The following ICA1 variants were observed in gnomAD, a reference collection of about 807,000 sequenced individuals.
The protein encoded by ICA1 is 69 kDa islet cell autoantigen.
ICA1 carries 40 observed loss-of-function variants against 71.0 expected under a neutral mutation model. The ratio of observed to expected loss-of-function variants is 0.56; its 90% CI spans 0.44 to 0.73. The LOEUF is 0.73. ICA1 is among the 30% of genes least tolerant of loss of function. The pLI is 0.00. For synonymous variants in ICA1, 207 were observed against 209.5 expected, an observed-to-expected ratio of 0.99 and a Z score of 0.10; for missense variants, 578 against 576.5, an observed-to-expected ratio of 1.00 and a Z score of -0.03.
chr7:8,241,332 G>C (rs1267128741), intron 1 of ICA1, among the ~76,000 whole-genome samples: 3 of 152,184 alleles, frequency 2.0e-5, no homozygotes, highest in African/African-American at 7.2e-5. Context: ...ATAAGTGAAG[G>C]AGAAATAAAA....
intron 6 of ICA1, among the ~76,000 whole-genome samples, chr7:8,163,389 A>T (rs1193487897): frequency 6.6e-6 from 1 of 152,044 alleles, no homozygotes; most frequent in African/African-American, 2.4e-5. Flanking sequence ...CAATGATTCT[A>T]CTCTCATTTT....
At position 8,128,966 on chromosome 7, in the gene ICA1, C is replaced by T. The variant is rs143078622; in HGVS notation, c.1061-824G>A. Reference sequence around the variant, plus strand: ...GTTATCATGTTAATAACGGCCACCTCGGTGTTGTCAGGAAGACCAAAAGAA... The same window carrying T: ...GTTATCATGTTAATAACGGCCACCTTGGTGTTGTCAGGAAGACCAAAAGAA... On this transcript the variant is annotated intron_variant, in intron 12 of 13. Transcript: ENST00000402384. Among the ~76,000 whole-genome samples, 262 of 152,286 alleles carry T rather than the reference C, an allele frequency of 1.7e-3. 1 individual carries two copies. Among genetic ancestry groups the T allele is most frequent in the African/African-American group, 5.9e-3 (246 of 41,548 alleles).
chr7:8,189,466 G>C (rs958381606), intron 6 of ICA1, among the ~76,000 whole-genome samples: 24 of 152,346 alleles, frequency 1.6e-4, no homozygotes, highest in African/African-American at 5.3e-4. Flanking sequence ...TCTGCTAGGG[G>C]CATGAAGACA....
At chr7:8,149,656 T>C (rs1798141561) in intron 8 of ICA1, among the ~76,000 whole-genome samples, 1 of 152,248 alleles carries the variant, frequency 6.6e-6, no homozygotes, top group African/African-American at 2.4e-5. Context: ...AACCTAAATT[T>C]AATGTTTAAC....
At chr7:8,182,041 C>A (rs1257995061) in intron 6 of ICA1, among the ~76,000 whole-genome samples, 1 of 152,170 alleles carries the variant, frequency 6.6e-6, no homozygotes, top group African/African-American at 2.4e-5. Flanking sequence ...CAATTCCTTT[C>A]ATTTCCTTGA....
intron 6 of ICA1, among the ~76,000 whole-genome samples, chr7:8,196,801 G>A (rs1369541594): frequency 6.6e-6 from 1 of 151,972 alleles, no homozygotes; most frequent in Non-Finnish European, 1.5e-5. Context: ...ATTATCACAG[G>A]GGCCAGGTGG....
intron 13 of ICA1, among the ~76,000 whole-genome samples, chr7:8,127,527 G>A (rs2128062634): frequency 6.6e-6 from 1 of 152,250 alleles, no homozygotes; most frequent in Middle Eastern, 3.4e-3. Context: ...ATGCTTATGG[G>A]AACGTGGTGA....
In ICA1 at chr7:8,135,280, T is replaced by G. The variant is rs547524062; in HGVS notation, c.1060+3560A>C. 1.9e-3 allele frequency among the ~76,000 whole-genome samples: 287 copies of G among 152,144 alleles called. 1 individual carries two copies. The highest frequency in any genetic ancestry group is 6.5e-3 in the African/African-American group (268 of 41,520). On this transcript the variant is annotated intron_variant, in intron 12 of 13. Coordinates refer to ENST00000402384, the MANE Select transcript of ICA1 (RefSeq NM_001136020.3). ...GACCTCAAGTGATCCGCCCATCTTG[T>G]CCTCCCAAAGTGCTGGGATTACAAG...
At chr7:8,249,321 T>G (rs922848482) in intron 1 of ICA1, among the ~76,000 whole-genome samples, 1 of 152,228 alleles carries the variant, frequency 6.6e-6, no homozygotes. Context: ...GCAGAGGAAA[T>G]GCAGTGAACA....
intron 6 of ICA1, among the ~76,000 whole-genome samples, chr7:8,201,011 G>A (rs899848010): frequency 6.6e-6 from 1 of 152,176 alleles, no homozygotes; most frequent in Non-Finnish European, 1.5e-5. Context: ...AGTGGTCAAT[G>A]AGTATGGCAG....
In ICA1 at chr7:8,123,181, T is replaced by C. The variant is rs1257655321; in HGVS notation, c.1330+4692A>G. Among the ~76,000 whole-genome samples, 1 of 152,216 alleles carries C rather than the reference T, an allele frequency of 6.6e-6. No homozygotes were observed. The highest frequency in any genetic ancestry group is 1.5e-5 in the Non-Finnish European group (1 of 68,038). Reference sequence around the variant, plus strand: ...TCTTCTCATTTTCAGCACAACTTGATTCTACATGCATTCCTTTGTTTTGGA... The same window carrying C: ...TCTTCTCATTTTCAGCACAACTTGACTCTACATGCATTCCTTTGTTTTGGA... On this transcript the variant is annotated intron_variant, in intron 13 of 13. Coordinates refer to ENST00000402384, the MANE Select transcript of ICA1 (RefSeq NM_001136020.3). The surrounding 1 kb of genome is among the most constrained non-coding windows in gnomAD (Gnocchi z 4.1).
intron 1 of ICA1, among the ~76,000 whole-genome samples, chr7:8,237,837 C>CACAA (rs796470216): frequency 1.3e-5 from 2 of 151,586 alleles, no homozygotes; most frequent in African/African-American, 4.9e-5. Context: ...CACACACACA[C>CACAA]ACACACACAC....
intron 1 of ICA1, among the ~76,000 whole-genome samples, chr7:8,248,268 A>C (rs1263711779): frequency 2.6e-5 from 4 of 151,460 alleles, no homozygotes; most frequent in Admixed American, 2.0e-4. Flanking sequence ...TGTACTGAGC[A>C]TATGGTGGAA....
At chr7:8,255,775 T>TTC (rs1376169285) in intron 1 of ICA1, among the ~76,000 whole-genome samples, 18 of 123,708 alleles carry the variant, frequency 1.5e-4, no homozygotes, top group East Asian at 2.6e-4. Context: ...CCTCACTTCT[T>TTC]TCTCTTTTTT....
In ICA1 at chr7:8,171,034, TC is replaced by T. The variant is rs1248132032; in HGVS notation, c.580-12383del. On this transcript the variant is annotated intron_variant, in intron 6 of 13. Transcript: ENST00000402384. ...TCCAAAAAGAAACCCCATCATCATTTCCTTTTGCTAATATTTTGATAATAAT... is the reference window on the plus strand; with the variant it reads ...TCCAAAAAGAAACCCCATCATCATTTCTTTTGCTAATATTTTGATAATAAT... Among the ~76,000 whole-genome samples the T allele has an allele frequency of 4.6e-5, 7 of 152,066 alleles. No individual in the cohort carries two copies. The East Asian group carries it at 1.3e-3, about 29-fold the overall frequency.
intron 6 of ICA1, among the ~76,000 whole-genome samples, chr7:8,160,990 T>A (rs73674892): frequency 0.035 from 5,369 of 152,262 alleles, 319 homozygotes; most frequent in African/African-American, 0.12. Context: ...GGTCATCGGT[T>A]GCTCTGGCCA....
chr7:8,129,058 C>T (rs928084479), intron 12 of ICA1, among the ~76,000 whole-genome samples: 3 of 152,136 alleles, frequency 2.0e-5, no homozygotes, highest in African/African-American at 7.2e-5. Context: ...CCTTACATTA[C>T]GAACATTGGC....
chr7:8,181,546 G>C (rs1782196323), intron 6 of ICA1, among the ~76,000 whole-genome samples: 1 of 152,046 alleles, frequency 6.6e-6, no homozygotes, highest in Non-Finnish European at 1.5e-5. Context: ...TAATCTGTAG[G>C]TCAATTTGAA....
At chr7:8,180,435 G>A (rs1781856442) in intron 6 of ICA1, among the ~76,000 whole-genome samples, 1 of 152,044 alleles carries the variant, frequency 6.6e-6, no homozygotes, top group African/African-American at 2.4e-5. Context: ...ACTATTCATG[G>A]ACATTTGGTT....
Sources: allele counts gnomAD v4.1 joint callset (sites outside exome capture counted in the v4.1 genomes callset), GRCh38; gene constraint gnomAD v4.1.1; non-coding constraint Gnocchi (gnomAD v3.1); transcripts MANE v1.5; gene names NCBI Gene and HGNC (gene_info 2026-07-23, HGNC 2026-07-21).